E2F3: variants seen among roughly 807,000 people sequenced by gnomAD.
E2F3 encodes the protein transcription factor E2F3.
A neutral mutation model predicts 44.4 loss-of-function variants in E2F3; 11 were observed. The ratio of observed to expected loss-of-function variants is 0.25; its 90% confidence interval spans 0.16 to 0.41. E2F3 has a LOEUF of 0.41. E2F3 is among the 10% of genes least tolerant of loss of function. E2F3 has a pLI of 1.00. For synonymous variants in E2F3, 249 were observed against 253.0 expected, an observed-to-expected ratio of 0.98 and a Z score of 0.15; for missense variants, 487 against 583.6, an observed-to-expected ratio of 0.83 and a Z score of 1.70.
chr6:20,437,498 A>T lies in E2F3; in HGVS notation c.393+34873A>T, dbSNP rs530414415. ...GAATTGTCTTTTTTTTTTCAAAAAAATTTTTTTTCTAAAAATGTAGTGTTA... is the reference window on the plus strand; with the variant it reads ...GAATTGTCTTTTTTTTTTCAAAAAATTTTTTTTTCTAAAAATGTAGTGTTA... On this transcript the variant is annotated intron_variant, in intron 1 of 6. Transcript: ENST00000346618. Among the ~76,000 whole-genome samples, 399 of 152,068 alleles carry T rather than the reference A, an allele frequency of 2.6e-3. 2 individuals carry two copies. Among genetic ancestry groups the T allele is most frequent in the African/African-American group, 8.0e-3 (330 of 41,488 alleles).
intron 1 of E2F3, among the ~76,000 whole-genome samples, chr6:20,452,197 G>A (rs1282347848): frequency 6.6e-6 from 1 of 152,094 alleles, no homozygotes; most frequent in Non-Finnish European, 1.5e-5. Context: ...GCTTTTCTTG[G>A]TTGGTAGGCT....
chr6:20,436,621 C>T (rs1294574417), intron 1 of E2F3, among the ~76,000 whole-genome samples: 1 of 152,210 alleles, frequency 6.6e-6, no homozygotes, highest in Non-Finnish European at 1.5e-5. Flanking sequence ...CTTCCTCTGT[C>T]TCTCTATGTT....
chr6:20,482,599 A>AAAT (rs1177675969), intron 3 of E2F3, among the ~76,000 whole-genome samples, 163 bp from the exon 4 acceptor site: 276 of 134,490 alleles, frequency 2.1e-3, no homozygotes, highest in South Asian at 0.011. Context: ...TGAAAAAAAA[A>AAAT]ATATATATAT....
chr6:20,460,996 C>CAAAAAA (rs61306918), intron 1 of E2F3, among the ~76,000 whole-genome samples: 3 of 55,498 alleles, frequency 5.4e-5, no homozygotes, highest in Admixed American at 3.4e-4. Flanking sequence ...ACTCTATCTC[C>CAAAAAA]AAAAAAAAAA....
At chr6:20,485,396 G>A (rs1762359413) in intron 4 of E2F3, among the ~76,000 whole-genome samples, 1 of 151,998 alleles carries the variant, frequency 6.6e-6, no homozygotes, top group Non-Finnish European at 1.5e-5. Context: ...CTGGGCAACA[G>A]GGTAAAACCC....
chr6:20,453,645 C>T (rs1180976745), intron 1 of E2F3, among the ~76,000 whole-genome samples: 1 of 152,094 alleles, frequency 6.6e-6, no homozygotes, highest in Non-Finnish European at 1.5e-5. Flanking sequence ...CTCCTGGGCT[C>T]GGGCGATCCT....
intron 1 of E2F3, among the ~76,000 whole-genome samples, chr6:20,451,022 T>G (rs1166165398): frequency 9.9e-5 from 15 of 152,240 alleles, no homozygotes; most frequent in Admixed American, 9.8e-4. Context: ...CTGTTTTGGT[T>G]ACTGTGGCCC....
intron 1 of E2F3, among the ~76,000 whole-genome samples, chr6:20,461,676 T>G (rs1001057769): frequency 6.6e-6 from 1 of 152,256 alleles, no homozygotes. Context: ...TCTGAGGTTT[T>G]TTTGTTTGTT....
chr6:20,428,079 G>C (rs1345484153), intron 1 of E2F3, among the ~76,000 whole-genome samples: 2 of 152,190 alleles, frequency 1.3e-5, no homozygotes, highest in African/African-American at 4.8e-5. Context: ...ATGAAACTAA[G>C]GTCACAGACA....
At chr6:20,477,651 C>T (rs1241082255) in intron 1 of E2F3, among the ~76,000 whole-genome samples, 4 of 151,966 alleles carry the variant, frequency 2.6e-5, no homozygotes, top group East Asian at 3.9e-4. Flanking sequence ...CTGGAATTTG[C>T]GTTTCCTAGC....
intron 1 of E2F3, among the ~76,000 whole-genome samples, chr6:20,465,107 C>G (rs539213600): frequency 6.6e-6 from 1 of 152,308 alleles, no homozygotes; most frequent in South Asian, 2.1e-4. Flanking sequence ...GCTCCCATAT[C>G]GAGGAGTCCC....
At chr6:20,403,512 G>A (rs1581558583) in intron 1 of E2F3, among the ~76,000 whole-genome samples, 1 of 152,082 alleles carries the variant, frequency 6.6e-6, no homozygotes, top group African/African-American at 2.4e-5. Context: ...CTCTCTCCGG[G>A]ACCCGCCGGT....
intron 1 of E2F3, among the ~76,000 whole-genome samples, chr6:20,462,204 T>C (rs1761533859): frequency 6.6e-6 from 1 of 152,232 alleles, no homozygotes; most frequent in African/African-American, 2.4e-5. Context: ...GCACGTGTGA[T>C]TTGTGCTGCC....
At chr6:20,476,327 C>A (rs1581647166) in intron 1 of E2F3, among the ~76,000 whole-genome samples, 1 of 151,942 alleles carries the variant, frequency 6.6e-6, no homozygotes, top group Admixed American at 6.6e-5. Flanking sequence ...GTTGAAATTG[C>A]ACCACTGCAC....
At chr6:20,457,197 A>G (rs977482061) in intron 1 of E2F3, among the ~76,000 whole-genome samples, 3 of 151,732 alleles carry the variant, frequency 2.0e-5, no homozygotes, top group Non-Finnish European at 4.4e-5. Flanking sequence ...CTTTTTGAGA[A>G]GAAGTCTTAC....
At chr6:20,457,636 G>T (rs907688891) in intron 1 of E2F3, among the ~76,000 whole-genome samples, 13 of 152,234 alleles carry the variant, frequency 8.5e-5, no homozygotes, top group Non-Finnish European at 1.6e-4. Context: ...CTGTCAGAGT[G>T]GTCCCCTAGC....
At chr6:20,485,448 T>C (rs1326675294) in intron 4 of E2F3, among the ~76,000 whole-genome samples, 1 of 152,000 alleles carries the variant, frequency 6.6e-6, no homozygotes, top group Non-Finnish European at 1.5e-5. Context: ...GGTGTGGTGG[T>C]GCACGCCTGT....
At chr6:20,482,598 A>G (rs973982793) in intron 3 of E2F3, among the ~76,000 whole-genome samples, 164 bp from the exon 4 acceptor site, 3 of 125,184 alleles carry the variant, frequency 2.4e-5, no homozygotes, top group African/African-American at 1.0e-4. Flanking sequence ...ATGAAAAAAA[A>G]AATATATATA....
rs1417710244 is a variant in E2F3 at position 20,493,709 on chromosome 6, A to T, written c.*3279A>T. 1 of 189,678 alleles carries T rather than the reference A, an allele frequency of 5.3e-6. No individual in the cohort carries two copies. Among genetic ancestry groups the T allele is most frequent in the Non-Finnish European group, 1.1e-5 (1 of 90,342 alleles). The allele number at this position is 189,678 out of a possible 1,614,324, so 11.7% of individuals were successfully genotyped here. On this transcript the variant is annotated 3_prime_UTR_variant, in exon 7 of 7. Coordinates refer to ENST00000346618, the MANE Select transcript of E2F3 (RefSeq NM_001949.5). ...AGGATCAATAAAATGATTTTTTTTAAGAGTTCAGGCTTGTGGATGGGTTTT... is the reference window on the plus strand; with the variant it reads ...AGGATCAATAAAATGATTTTTTTTATGAGTTCAGGCTTGTGGATGGGTTTT...
Sources: gnomAD v4.1 joint callset for allele counts (sites outside exome capture counted in the v4.1 genomes callset) on GRCh38, gnomAD v4.1.1 for gene constraint, MANE v1.5 for transcripts, NCBI Gene and HGNC (gene_info 2026-07-23, HGNC 2026-07-21) for gene names.